Variants in SLC34A2 observed in about 807,000 individuals in gnomAD.
SLC34A2 encodes sodium-dependent phosphate transport protein 2B.
SLC34A2 carries 41 observed loss-of-function variants against 50.8 expected under a neutral mutation model. That is an observed-to-expected ratio of 0.81 (90% confidence interval 0.63 to 1.05). The LOEUF is 1.05. SLC34A2 is among the 50% of genes least tolerant of loss of function. The pLI is 0.00. For synonymous variants in SLC34A2, 401 were observed against 364.2 expected, an observed-to-expected ratio of 1.10 and a Z score of -1.15; for missense variants, 879 against 876.7, an observed-to-expected ratio of 1.00 and a Z score of -0.03.
At position 25,663,477 on chromosome 4, in the gene SLC34A2, C is replaced by T. The variant is rs1237957455; in HGVS notation, c.250+635C>T. 2.0e-5 allele frequency among the ~76,000 whole-genome samples: 3 copies of T among 152,178 alleles called. No homozygotes were observed. The East Asian group carries it at 5.8e-4, about 29-fold the overall frequency. Reference sequence around the variant, plus strand: ...CAGAGAGCTTTCAGAGGGGTCCCCTCACCAAAATGTGGGCATATTTCTAGT... The same window carrying T: ...CAGAGAGCTTTCAGAGGGGTCCCCTTACCAAAATGTGGGCATATTTCTAGT... On this transcript the variant is annotated intron_variant, in intron 3 of 12. Transcript: ENST00000382051.
chr4:25,673,050 C>T, intron 9 of SLC34A2, 37 bp from the exon 10 acceptor site: 2 of 1,609,458 alleles, frequency 1.2e-6, no homozygotes, highest in Non-Finnish European at 1.7e-6. Flanking sequence ...CGTGGTGGCT[C>T]CATGCCCTCC....
At chr4:25,657,773 T>C (rs1419493229) in intron 1 of SLC34A2, among the ~76,000 whole-genome samples, 4 of 152,208 alleles carry the variant, frequency 2.6e-5, no homozygotes, top group South Asian at 2.1e-4. Context: ...TTAGCAGTAA[T>C]GTAGGGACAG....
intron 9 of SLC34A2, among the ~76,000 whole-genome samples, chr4:25,672,517 T>C (rs1360653006): frequency 6.6e-6 from 1 of 152,168 alleles, no homozygotes; most frequent in Non-Finnish European, 1.5e-5. Flanking sequence ...TATACTTTTG[T>C]ATATCTCTGC....
rs1057438026 is a variant in SLC34A2 at position 25,662,229 on chromosome 4, G to A, written c.-3-269G>A. Reference sequence around the variant, plus strand: ...ACAAAAACAAGTTTACGAGATTAAAGGTGGTACATGCAGCTAACTCAACAC... The same window carrying A: ...ACAAAAACAAGTTTACGAGATTAAAAGTGGTACATGCAGCTAACTCAACAC... On this transcript the variant is annotated intron_variant, in intron 1 of 12. Coordinates refer to ENST00000382051, the MANE Select transcript of SLC34A2 (RefSeq NM_006424.3). Among the ~76,000 whole-genome samples, 13 of 152,374 alleles carry A rather than the reference G, an allele frequency of 8.5e-5. 1 individual carries two copies. The highest frequency in any genetic ancestry group is 2.6e-4 in the Admixed American group (4 of 15,302).
chr4:25,660,007 T>A (rs1341387561), intron 1 of SLC34A2, among the ~76,000 whole-genome samples: 2 of 152,244 alleles, frequency 1.3e-5, no homozygotes, highest in African/African-American at 4.8e-5. Context: ...TGATTCAGTA[T>A]AACCTCTTTA....
chr4:25,665,606 G>A (rs1577494697), intron 4 of SLC34A2, among the ~76,000 whole-genome samples: 1 of 152,088 alleles, frequency 6.6e-6, no homozygotes, highest in African/African-American at 2.4e-5. Context: ...TGCATTGATG[G>A]TCTCAGGTAC....
Position 25,676,778 on chromosome 4 carries a change from G to A in SLC34A2, c.*29G>A, listed in dbSNP as rs368286565. The stretch of plus-strand genomic sequence containing the variant: ...ACGCCCCAGATTGTCAGGGATGGGG[G>A]GATGGTCCTTGAGTTTTGCATGCTC... On this transcript the variant is annotated 3_prime_UTR_variant, in exon 13 of 13. Transcript: ENST00000382051. 808 of 1,613,658 alleles carry A rather than the reference G, an allele frequency of 5.0e-4. 2 individuals carry two copies. The African/African-American group carries it at 6.2e-3, about 12-fold the overall frequency.
intron 4 of SLC34A2, chr4:25,664,830 T>C (rs1306357535): frequency 4.2e-6 from 1 of 237,664 alleles, no homozygotes; most frequent in Non-Finnish European, 8.3e-6. Context: ...AGGAGTGAAG[T>C]CACCATGTGC....
intron 6 of SLC34A2, 39 bp downstream of exon 6, chr4:25,668,030 A>G (rs529283204): frequency 2.3e-6 from 3 of 1,309,870 alleles, no homozygotes; most frequent in Non-Finnish European, 3.3e-6. Context: ...CATCAGCTCT[A>G]TTGTTCTTGG....
chr4:25,660,194 A>C (rs1209187675), intron 1 of SLC34A2, among the ~76,000 whole-genome samples: 1 of 152,266 alleles, frequency 6.6e-6, no homozygotes, highest in East Asian at 1.9e-4. Flanking sequence ...GTGATGGACA[A>C]GACAAAGTCC....
chr4:25,676,336 G>T lies in SLC34A2; in HGVS notation c.1660G>T (p.Val554Leu). ...VFGLSLAGWR[V>L]LVGVGVPVVF... ...TGGCCTCTCGCTGGCCGGCTGGCGG[G>T]TGCTGGTTGGTGTCGGGGTTCCCGT... The change falls in exon 13 of 13, where the codon GTG becomes TTG. Residue 554 changes from valine (V) to leucine (L), a missense_variant. Coordinates refer to ENST00000382051, the MANE Select transcript of SLC34A2 (RefSeq NM_006424.3). The T allele has an allele frequency of 6.2e-7, 1 of 1,614,196 alleles. No homozygotes were observed. The highest frequency in any genetic ancestry group is 8.5e-7 in the Non-Finnish European group (1 of 1,180,050).
At chr4:25,675,396 G>A (rs77772623) in intron 12 of SLC34A2, among the ~76,000 whole-genome samples, 1,733 of 152,274 alleles carry the variant, frequency 0.011, 25 homozygotes, top group African/African-American at 0.039. Flanking sequence ...TCTAACCTGA[G>A]CGTCAATTCC....
chr4:25,672,267 G>A (rs1714859096), intron 9 of SLC34A2, among the ~76,000 whole-genome samples: 1 of 152,168 alleles, frequency 6.6e-6, no homozygotes, highest in South Asian at 2.1e-4. Flanking sequence ...CAGGGAGATA[G>A]TCTGTCTCAA....
At chr4:25,671,549 C>T in intron 8 of SLC34A2, 52 bp from the exon 9 acceptor site, 3 of 1,613,738 alleles carry the variant, frequency 1.9e-6, no homozygotes, top group South Asian at 1.1e-5. Flanking sequence ...CATTGCCTCC[C>T]ATTCCCCACT....
At chr4:25,675,918 A>G (rs1715081988) in intron 12 of SLC34A2, among the ~76,000 whole-genome samples, 1 of 152,178 alleles carries the variant, frequency 6.6e-6, no homozygotes, top group African/African-American at 2.4e-5. Context: ...GAGAATTGAG[A>G]TAATGCACAG....
At chr4:25,671,343 G>A (rs1660305046) in intron 8 of SLC34A2, among the ~76,000 whole-genome samples, 1 of 152,034 alleles carries the variant, frequency 6.6e-6, no homozygotes, top group Non-Finnish European at 1.5e-5. Context: ...TTTTTTTGTG[G>A]GGTGCTAAAG....
intron 12 of SLC34A2, 80 bp downstream of exon 12, chr4:25,674,709 C>A: frequency 6.3e-7 from 1 of 1,581,922 alleles, no homozygotes; most frequent in African/African-American, 1.3e-5. Flanking sequence ...TAACAAGAGC[C>A]AGGCTTTTCT....
At chr4:25,671,558 C>T (rs1714815702) in intron 8 of SLC34A2, 43 bp from the exon 9 acceptor site, 3 of 1,613,918 alleles carry the variant, frequency 1.9e-6, no homozygotes, top group Non-Finnish European at 2.5e-6. Flanking sequence ...CCATTCCCCA[C>T]TAAAAGCCAG....
intron 5 of SLC34A2, among the ~76,000 whole-genome samples, chr4:25,667,613 C>T (rs1349713785): frequency 6.6e-6 from 1 of 152,266 alleles, no homozygotes; most frequent in Admixed American, 6.5e-5. Context: ...AAGCCCTGCA[C>T]TCATCCACCT....
Sources: allele counts gnomAD v4.1 joint callset (sites outside exome capture counted in the v4.1 genomes callset), GRCh38; gene constraint gnomAD v4.1.1; transcripts MANE v1.5; gene names NCBI Gene and HGNC (gene_info 2026-07-23, HGNC 2026-07-21).